The following TENM3 variants were observed in gnomAD, a reference collection of about 807,000 sequenced individuals.
TENM3 encodes the protein teneurin-3.
TENM3 carries 63 observed loss-of-function variants against 255.1 expected under a neutral mutation model. The observed-to-expected ratio is 0.25, with a 90% CI of 0.20 to 0.30. TENM3 has a LOEUF of 0.30. Ranked by LOEUF, TENM3 falls within the 10% of genes least tolerant of loss-of-function variation. The pLI is 1.00. For missense variants in TENM3, 2,929 were observed against 3,461.1 expected (o/e 0.85, Z 3.86); for synonymous variants, 1,306 against 1,322.3 (o/e 0.99, Z 0.27).
chr4:182,528,227 C>T (rs956225620), intron 3 of TENM3, among the ~76,000 whole-genome samples: 1 of 152,126 alleles, frequency 6.6e-6, no homozygotes, highest in Non-Finnish European at 1.5e-5. Context: ...AAGCAACTCT[C>T]CTGCCTCACC....
intron 3 of TENM3, among the ~76,000 whole-genome samples, chr4:182,509,661 G>A (rs1431883481): frequency 6.6e-6 from 1 of 152,188 alleles, no homozygotes; most frequent in South Asian, 2.1e-4. Context: ...AAATGGGTCA[G>A]ACGCAGTGGC....
At chr4:182,171,213 A>G (rs1179598975) in intron 1 of TENM3, among the ~76,000 whole-genome samples, 3 of 152,224 alleles carry the variant, frequency 2.0e-5, no homozygotes, top group Non-Finnish European at 4.4e-5. Flanking sequence ...ATGAGCTTTT[A>G]AATTAGTATG....
At chr4:181,529,526 C>A in the TENM3 span, among the ~76,000 whole-genome samples, 1 of 152,300 alleles carries the variant, frequency 6.6e-6, no homozygotes, top group South Asian at 2.1e-4. Flanking sequence ...GAACTTACAA[C>A]TGACAGCCTA....
chr4:181,554,720 C>A, the TENM3 span, among the ~76,000 whole-genome samples: 1 of 152,164 alleles, frequency 6.6e-6, no homozygotes, highest in Non-Finnish European at 1.5e-5. Flanking sequence ...AATGAATCTT[C>A]GATTTCTAAA....
the TENM3 span, among the ~76,000 whole-genome samples, chr4:181,991,478 G>A: frequency 3.3e-5 from 5 of 152,030 alleles, no homozygotes; most frequent in East Asian, 7.7e-4. Context: ...AGGCTTAATC[G>A]GGTGGTATGG....
chr4:182,648,052 C>G (rs1276113519), intron 5 of TENM3, among the ~76,000 whole-genome samples: 2 of 152,130 alleles, frequency 1.3e-5, no homozygotes, highest in Non-Finnish European at 1.5e-5. Flanking sequence ...TCCTTTTCCT[C>G]CCACCTGGTG....
chr4:182,535,122 A>G (rs889790004), intron 3 of TENM3, among the ~76,000 whole-genome samples: 3 of 152,196 alleles, frequency 2.0e-5, no homozygotes, highest in African/African-American at 7.2e-5. Flanking sequence ...GGATTATAAT[A>G]AGAAAACAAC....
At chr4:181,449,709 C>A in the TENM3 span, among the ~76,000 whole-genome samples, 2 of 152,148 alleles carry the variant, frequency 1.3e-5, no homozygotes. Context: ...ATTGCTTGAA[C>A]CCAGAAGGCC....
intron 1 of TENM3, 136 bp from the exon 2 acceptor site, chr4:182,323,809 CT>C: frequency 6.9e-6 from 4 of 580,398 alleles, no homozygotes; most frequent in Non-Finnish European, 1.2e-5. Context: ...TTCAGAAATA[CT>C]AATTTCTTGT....
At chr4:182,735,651 C>G (rs758433485) in intron 16 of TENM3, among the ~76,000 whole-genome samples, 1 of 152,104 alleles carries the variant, frequency 6.6e-6, no homozygotes, top group African/African-American at 2.4e-5. Flanking sequence ...TTTAATTCTT[C>G]GTGGAGAAAG....
the TENM3 span, among the ~76,000 whole-genome samples, chr4:182,095,683 A>C: frequency 6.6e-6 from 1 of 152,156 alleles, no homozygotes; most frequent in Admixed American, 6.5e-5. Context: ...GTAGTTAACA[A>C]TTTATTGTGT....
chr4:182,004,995 A>G, the TENM3 span, among the ~76,000 whole-genome samples: 1 of 152,122 alleles, frequency 6.6e-6, no homozygotes, highest in African/African-American at 2.4e-5. Context: ...TAGATTGCAA[A>G]AATTTTCTCC....
the TENM3 span, among the ~76,000 whole-genome samples, chr4:182,050,092 A>G: frequency 3.3e-5 from 5 of 152,018 alleles, no homozygotes; most frequent in Non-Finnish European, 5.9e-5. Context: ...TCCCAGGTTC[A>G]AGCAATTCTC....
At chr4:182,373,540 G>C (rs1766984600) in intron 3 of TENM3, among the ~76,000 whole-genome samples, 1 of 152,082 alleles carries the variant, frequency 6.6e-6, no homozygotes, top group Non-Finnish European at 1.5e-5. Context: ...GGCTCTTTTT[G>C]ACAACCAGCT....
chr4:181,848,952 C>T, the TENM3 span, among the ~76,000 whole-genome samples: 17 of 152,068 alleles, frequency 1.1e-4, no homozygotes, highest in Non-Finnish European at 2.4e-4. Context: ...TGCCACAATC[C>T]GAGTTCCTTT....
the TENM3 span, among the ~76,000 whole-genome samples, chr4:181,874,723 C>T: frequency 6.6e-6 from 1 of 152,208 alleles, no homozygotes; most frequent in East Asian, 1.9e-4. Context: ...CCTGTACCAT[C>T]CTCCTTTCTG....
the TENM3 span, among the ~76,000 whole-genome samples, chr4:181,786,415 G>C: frequency 0.057 from 8,656 of 152,200 alleles, 460 homozygotes; most frequent in African/African-American, 0.14. Context: ...TGGTTGATAC[G>C]TAAATACTCT....
the TENM3 span, among the ~76,000 whole-genome samples, chr4:182,106,888 T>C: frequency 7.9e-5 from 12 of 151,994 alleles, no homozygotes; most frequent in South Asian, 2.1e-3. Flanking sequence ...TGAGATAATA[T>C]CTCAAGACAA....
rs1766980279 is a variant in TENM3, at chr4:182,801,718, T to C, written c.*1367T>C. 6.6e-6 allele frequency: 1 copy of C among 151,910 alleles called. No homozygotes were observed. The highest frequency in any genetic ancestry group is 1.5e-5 in the Non-Finnish European group (1 of 68,012). The allele number at this position is 151,910 out of a possible 1,614,324, so 9.4% of individuals were successfully genotyped here. A position where few individuals can be genotyped will look rare whatever the true frequency, so the allele number is the denominator to read the frequency against. On this transcript the variant is annotated 3_prime_UTR_variant, in exon 28 of 28. Coordinates refer to ENST00000511685, the MANE Select transcript of TENM3 (RefSeq NM_001080477.4). ...CGGTCAGGGTTACTCTAAGCCCACA[T>C]GACCAAACCATCTTGGGGGGCTGGT... is the stretch of plus-strand genomic sequence containing the variant.
Sources: gnomAD v4.1 joint callset for allele counts (sites outside exome capture counted in the v4.1 genomes callset) on GRCh38, gnomAD v4.1.1 for gene constraint, MANE v1.5 for transcripts, NCBI Gene and HGNC (gene_info 2026-07-23, HGNC 2026-07-21) for gene names.